Variants in OLAH observed in about 807,000 individuals in gnomAD.
OLAH encodes the protein S-acyl fatty acid synthase thioesterase, medium chain.
A neutral mutation model predicts 27.8 loss-of-function variants in OLAH; 33 were observed. The observed-to-expected ratio is 1.19, with a 90% CI of 0.90 to 1.59. The LOEUF (loss-of-function observed/expected upper bound fraction) is 1.59, where lower values mean the gene tolerates loss of function less well. Ranked by LOEUF, OLAH falls within the 40% of genes most tolerant of loss-of-function variation. OLAH has a pLI of 0.00. For missense variants in OLAH, 359 were observed against 310.8 expected, an observed-to-expected ratio of 1.16 and a Z score of -1.17; for synonymous variants, 120 against 102.9, an observed-to-expected ratio of 1.17 and a Z score of -1.01.
intron 6 of OLAH, among the ~76,000 whole-genome samples, chr10:15,071,328 C>A (rs1183584759): frequency 6.6e-6 from 1 of 152,206 alleles, no homozygotes; most frequent in Non-Finnish European, 1.5e-5. Context: ...AGTCTCTCAG[C>A]TGCAAGAGGG....
At chr10:15,035,454 A>C (rs1271820066) in intron 1 of OLAH, among the ~76,000 whole-genome samples, 1 of 152,090 alleles carries the variant, frequency 6.6e-6, no homozygotes, top group African/African-American at 2.4e-5. Flanking sequence ...AAGTAGGAAA[A>C]GGCACGGGTC....
chr10:15,033,795 G>C (rs1412473447), intron 1 of OLAH, among the ~76,000 whole-genome samples: 3 of 152,254 alleles, frequency 2.0e-5, no homozygotes, highest in Non-Finnish European at 4.4e-5. Context: ...GGGCTGAACT[G>C]ACCCTTTTAT....
At chr10:15,045,009 C>T (rs1843987869) in intron 1 of OLAH, among the ~76,000 whole-genome samples, 1 of 152,100 alleles carries the variant, frequency 6.6e-6, no homozygotes, top group South Asian at 2.1e-4. Flanking sequence ...TGTCTCTGTC[C>T]CACTCTCCCT....
At chr10:15,050,360 C>A (rs190105662) in intron 3 of OLAH, among the ~76,000 whole-genome samples, 2 of 151,708 alleles carry the variant, frequency 1.3e-5, no homozygotes, top group Non-Finnish European at 2.9e-5. Flanking sequence ...CTCCACCTCC[C>A]GGGTTCAGGT....
At chr10:15,043,725 C>T (rs1018624084), upstream of OLAH, among the ~76,000 whole-genome samples, 3 of 152,122 alleles carry the variant, frequency 2.0e-5, no homozygotes, top group South Asian at 2.1e-4. Context: ...ACTTTAGCCT[C>T]CCAAAGTGCT....
chr10:15,047,358 C>A, intron 2 of OLAH, 38 bp downstream of exon 2: 1 of 1,603,204 alleles, frequency 6.2e-7, no homozygotes. Flanking sequence ...CTTCCTCCAT[C>A]CCAGGGGCTC....
intron 4 of OLAH, among the ~76,000 whole-genome samples, chr10:15,063,468 A>G (rs1291013372): frequency 6.6e-6 from 1 of 152,226 alleles, no homozygotes; most frequent in Non-Finnish European, 1.5e-5. Context: ...AATTACCTGC[A>G]CTTTACACTC....
intron 1 of OLAH, among the ~76,000 whole-genome samples, chr10:15,045,113 G>A (rs998142725): frequency 7.9e-5 from 12 of 152,226 alleles, no homozygotes; most frequent in East Asian, 1.9e-4. Flanking sequence ...TATTCTTACC[G>A]GAGGATGCCT....
chr10:15,056,477 G>T (rs10906817), intron 3 of OLAH, among the ~76,000 whole-genome samples: 17,932 of 151,960 alleles, frequency 0.12, 1,329 homozygotes, highest in East Asian at 0.3. Flanking sequence ...GTAATTTTTT[G>T]CTCTGTGCAT....
intron 1 of OLAH, among the ~76,000 whole-genome samples, chr10:15,038,846 C>T (rs1362887159): frequency 6.6e-6 from 1 of 152,110 alleles, no homozygotes; most frequent in Non-Finnish European, 1.5e-5. Context: ...AATATAGGTT[C>T]CAAGAGCATG....
upstream of OLAH, among the ~76,000 whole-genome samples, chr10:15,042,844 C>A (rs886331350): frequency 1.7e-4 from 22 of 130,476 alleles, no homozygotes; most frequent in African/African-American, 6.4e-4. Context: ...TTCCTACCCA[C>A]GTGTCTTTTT....
intron 1 of OLAH, among the ~76,000 whole-genome samples, chr10:15,046,038 T>C (rs1188172600): frequency 6.7e-6 from 1 of 150,148 alleles, no homozygotes; most frequent in Non-Finnish European, 1.5e-5. Flanking sequence ...CTCAAAGAAA[T>C]GAATAAATAA....
upstream of OLAH, among the ~76,000 whole-genome samples, chr10:15,039,509 G>A (rs1449687539): frequency 3.9e-5 from 6 of 152,150 alleles, no homozygotes; most frequent in Non-Finnish European, 7.4e-5. Context: ...CCTGGGAGGC[G>A]GAGGTTGCAG....
intron 5 of OLAH, 169 bp from the exon 6 acceptor site, chr10:15,065,412 CCTT>C (rs1844447601): frequency 3.4e-6 from 2 of 593,144 alleles, no homozygotes; most frequent in Admixed American, 7.2e-5. Context: ...TACTGATGAG[CCTT>C]CTTCTCCCTA....
chr10:15,073,137 G>T lies in OLAH; in HGVS notation c.706G>T (p.Gly236Cys). The T allele has an allele frequency of 6.2e-7, 1 of 1,613,006 alleles. No individual in the cohort carries two copies. The highest frequency in any genetic ancestry group is 8.5e-7 in the Non-Finnish European group (1 of 1,179,186). The change falls in exon 8 of 8, where the codon GGT (glycine) becomes TGT (cysteine). Residue 236 changes from glycine (G) to cysteine (C), a missense_variant. Physicochemically the swap from Gly to Cys is radical, Grantham distance 159. Transcript: ENST00000378228. ...TGCTAAAATTTACCAGCTTCCAGGGGGTCACTTTTATCTTCTGGATCCTGC... is the reference window on the plus strand; with the variant it reads ...TGCTAAAATTTACCAGCTTCCAGGGTGTCACTTTTATCTTCTGGATCCTGC... ...GNAKIYQLPG[G>C]HFYLLDPANE...
At chr10:15,033,402 T>C (rs926468890) in intron 1 of OLAH, among the ~76,000 whole-genome samples, 1 of 151,472 alleles carries the variant, frequency 6.6e-6, no homozygotes, top group African/African-American at 2.4e-5. Flanking sequence ...ATTTACAATA[T>C]ATATAGTAAG....
At chr10:15,046,266 A>C (rs916865085) in intron 1 of OLAH, among the ~76,000 whole-genome samples, 1 of 151,690 alleles carries the variant, frequency 6.6e-6, no homozygotes, top group Non-Finnish European at 1.5e-5. Context: ...CAATCATTTG[A>C]ACTTGAGCCA....
intron 3 of OLAH, among the ~76,000 whole-genome samples, chr10:15,060,363 T>A (rs1844339180): frequency 6.6e-6 from 1 of 152,070 alleles, no homozygotes; most frequent in Admixed American, 6.6e-5. Context: ...AGAGATGGGG[T>A]TTCACCCTGT....
upstream of OLAH, among the ~76,000 whole-genome samples, chr10:15,043,147 A>T (rs1325109792): frequency 6.6e-6 from 1 of 151,800 alleles, no homozygotes; most frequent in Admixed American, 6.6e-5. Flanking sequence ...GGTGTGAGCC[A>T]CCGCGTCCAG....
Sources: allele counts gnomAD v4.1 joint callset (sites outside exome capture counted in the v4.1 genomes callset), GRCh38; gene constraint gnomAD v4.1.1; transcripts MANE v1.5; gene names NCBI Gene and HGNC (gene_info 2026-07-23, HGNC 2026-07-21).